JAG1: variants seen among roughly 807,000 people sequenced by gnomAD.
JAG1 encodes jagged canonical Notch ligand 1.
Under a neutral mutation model 148.7 loss-of-function variants are expected in JAG1, and 23 were observed. That is an observed-to-expected ratio of 0.15 (90% CI 0.11 to 0.22). The LOEUF (loss-of-function observed/expected upper bound fraction) is 0.22, where lower values mean the gene tolerates loss of function less well. Ranked by LOEUF, JAG1 falls within the 10% of genes least tolerant of loss-of-function variation. JAG1 has a pLI of 1.00. For synonymous variants in JAG1, 572 were observed against 598.3 expected (o/e 0.96, Z 0.64); for missense variants, 1,054 against 1,611.2 (o/e 0.65, Z 5.92).
intron 18 of JAG1, 163 bp downstream of exon 18, chr20:10,644,700 A>G: frequency 1.4e-6 from 1 of 696,988 alleles, no homozygotes; most frequent in Non-Finnish European, 2.6e-6. Flanking sequence ...CGACTTTCTC[A>G]TGCCCAGGTC....
chr20:10,639,323 T>C lies in JAG1; in HGVS notation c.*175A>G. On this transcript the variant is annotated 3_prime_UTR_variant, in exon 26 of 26. Coordinates refer to ENST00000254958, the MANE Select transcript of JAG1 (RefSeq NM_000214.3). Reference sequence around the variant, plus strand: ...TTTGCATAGCTGTGAGATGCGGCACTCGATTTCCCAGCCAACCACAGAAAC... The same window carrying C: ...TTTGCATAGCTGTGAGATGCGGCACCCGATTTCCCAGCCAACCACAGAAAC... The C allele has an allele frequency of 1.4e-6, 1 of 716,002 alleles. No individual in the cohort carries two copies. 44.4% of individuals were successfully genotyped at this position (716,002 alleles called of 1,614,324 possible).
chr20:10,657,826 C>T (rs1196935151), intron 4 of JAG1, among the ~76,000 whole-genome samples: 1 of 152,162 alleles, frequency 6.6e-6, no homozygotes, highest in African/African-American at 2.4e-5. Context: ...AGCCATGCCC[C>T]CAAAGACACC....
chr20:10,652,713 G>A, intron 5 of JAG1, 115 bp from the exon 6 acceptor site: 1 of 1,114,930 alleles, frequency 9.0e-7, no homozygotes, highest in Non-Finnish European at 1.3e-6. Context: ...CTGGGGACAG[G>A]AAGGTAGACT....
At position 10,649,649 on chromosome 20, in the gene JAG1, G is replaced by C. The variant is rs1172160820; in HGVS notation, c.1235-14C>G. On this transcript the variant is annotated splice_polypyrimidine_tract_variant and intron_variant, in intron 9 of 25. Transcript: ENST00000254958. ...ATTCATTTGCATCTGAAAGGAGATG[G>C]GGATGAGCATGAGAAATGAAGTTCA... 6.7e-7 allele frequency: 1 copy of C among 1,492,372 alleles called. No homozygotes were observed. Among genetic ancestry groups the C allele is most frequent in the South Asian group, 1.1e-5 (1 of 88,332 alleles). 92.4% of individuals were successfully genotyped at this position (1,492,372 alleles called of 1,614,324 possible).
At chr20:10,642,780 C>G (rs548807222) in intron 20 of JAG1, among the ~76,000 whole-genome samples, 179 bp from the exon 21 acceptor site, 1 of 152,322 alleles carries the variant, frequency 6.6e-6, no homozygotes, top group South Asian at 2.1e-4. Flanking sequence ...ATCACTGGCT[C>G]CCAAAGACCA....
chr20:10,644,887 A>G lies in JAG1; in HGVS notation c.2320T>C (p.Trp774Arg). The G allele has an allele frequency of 6.2e-7, 1 of 1,614,094 alleles. No homozygotes were observed. The highest frequency in any genetic ancestry group is 8.5e-7 in the Non-Finnish European group (1 of 1,179,914). ...CTCTGAGCACAGATGGGCCCCTCCC[A>G]GCCTTCCTTGCAGACGCACGTAAAG... is the stretch of plus-strand genomic sequence containing the variant. ...ESFTCVCKEG[W>R]EGPICAQNTN... The change falls in exon 18 of 26, where the codon TGG (tryptophan) becomes CGG (arginine). Residue 774 changes from tryptophan (W) to arginine (R), a missense_variant. Around this residue, in one of 6 missense-constraint regions of JAG1, gnomAD observed 342 missense variants for 514.6 expected, o/e 0.66. Coordinates refer to ENST00000254958, the MANE Select transcript of JAG1 (RefSeq NM_000214.3).
chr20:10,644,880 C>T lies in JAG1; in HGVS notation c.2327G>A (p.Gly776Glu), dbSNP rs1188109674. 1 of 1,613,440 alleles carries T rather than the reference C, an allele frequency of 6.2e-7. No individual in the cohort carries two copies. The highest frequency in any genetic ancestry group is 1.3e-5 in the African/African-American group (1 of 74,908). ...ACACTCACTCTGAGCACAGATGGGC[C>T]CCTCCCAGCCTTCCTTGCAGACGCA... Reference protein sequence around the residue: ...FTCVCKEGWEGPICAQNTNDC... With the variant: ...FTCVCKEGWEEPICAQNTNDC... Residue 776 changes from glycine to glutamate, a missense_variant, in exon 18 of 26, where the codon GGG (glycine) becomes GAG (glutamate). Physicochemically the swap from Gly to Glu is moderately conservative, Grantham distance 98 (BLOSUM62 -2). Coordinates refer to ENST00000254958, the MANE Select transcript of JAG1 (RefSeq NM_000214.3).
rs55649270 is a variant in JAG1, at chr20:10,656,689, T to G, written c.695-231A>C. On this transcript the variant is annotated intron_variant, in intron 4 of 25. Coordinates refer to ENST00000254958, the MANE Select transcript of JAG1 (RefSeq NM_000214.3). ...AACATGATATTGTTTGGGGACAAAA[T>G]GCAGACAAGTTGACGAGGGAAGGGG... Among the ~76,000 whole-genome samples, 8,671 of 152,158 alleles carry G rather than the reference T, an allele frequency of 0.057. 325 individuals are homozygous for G. Among genetic ancestry groups the G allele is most frequent in the Admixed American group, 0.09 (1,381 of 15,294 alleles).
intron 14 of JAG1, chr20:10,646,423 T>G: frequency 2.6e-6 from 1 of 381,788 alleles, no homozygotes; most frequent in Non-Finnish European, 5.0e-6. Context: ...AGTGATCTGG[T>G]AAATTGAACA....
At chr20:10,668,671 GT>G (rs143614067) in intron 2 of JAG1, among the ~76,000 whole-genome samples, 27,599 of 144,832 alleles carry the variant, frequency 0.19, 2,713 homozygotes, top group Middle Eastern at 0.32. Context: ...CCTTGACACT[GT>G]TTTTTTTTTT....
intron 5 of JAG1, among the ~76,000 whole-genome samples, chr20:10,655,907 G>C (rs917436798): frequency 1.3e-5 from 2 of 152,074 alleles, no homozygotes; most frequent in Non-Finnish European, 2.9e-5. Context: ...AAGATTCCAG[G>C]GCAGCCATTA....
intron 20 of JAG1, among the ~76,000 whole-genome samples, chr20:10,642,899 G>A (rs1415573471): frequency 2.0e-5 from 3 of 152,226 alleles, no homozygotes; most frequent in Non-Finnish European, 4.4e-5. Context: ...TTTCCTGGAA[G>A]GGGTCAGACA....
At chr20:10,662,273 A>T (rs2067422609) in intron 3 of JAG1, 1 of 152,054 alleles carries the variant, frequency 6.6e-6, no homozygotes, top group Non-Finnish European at 1.5e-5. Flanking sequence ...GAACCCCAAA[A>T]TCGGGCTACC....
Position 10,645,103 on chromosome 20 carries a change from G to T in JAG1, c.2227+40C>A. 1 of 1,549,052 alleles carries T rather than the reference G, an allele frequency of 6.5e-7. No homozygotes were observed. Among genetic ancestry groups the T allele is most frequent in the East Asian group, 2.2e-5 (1 of 44,542 alleles). ...GCCAACCAGCAGACACGCCCAGGTG[G>T]CCATGCCCACTGCAGATCCCACGTG... is the stretch of plus-strand genomic sequence containing the variant. On this transcript the variant is annotated intron_variant, in intron 17 of 25. Coordinates refer to ENST00000254958, the MANE Select transcript of JAG1 (RefSeq NM_000214.3). The surrounding 1 kb of genome is among the most constrained non-coding windows in gnomAD (Gnocchi z 6.1).
chr20:10,658,867 C>A, intron 3 of JAG1, 145 bp from the exon 4 acceptor site: 2 of 840,248 alleles, frequency 2.4e-6, no homozygotes, highest in South Asian at 1.6e-5. Context: ...AGTTTATGCC[C>A]CTACCCAGAG....
chr20:10,673,167 A>G lies in JAG1; in HGVS notation c.82-161T>C. 1 of 58,714 alleles carries G rather than the reference A, an allele frequency of 1.7e-5. No individual in the cohort carries two copies. The highest frequency in any genetic ancestry group is 3.2e-5 in the Non-Finnish European group (1 of 31,046). 3.6% of individuals were successfully genotyped at this position (58,714 alleles called of 1,614,324 possible). The stretch of plus-strand genomic sequence containing the variant: ...CAAGGACTCAACATGATTCCGGGGC[A>G]AAAAAAAAAAAAAATGCACGAGTGC... On this transcript the variant is annotated intron_variant, in intron 1 of 25. Transcript: ENST00000254958. This position sits in a 1 kb window ranked among gnomAD's most constrained non-coding sequence, Gnocchi z 4.7.
chr20:10,643,642 G>C (rs1390288437), intron 20 of JAG1, 136 bp downstream of exon 20: 1 of 751,754 alleles, frequency 1.3e-6, no homozygotes, highest in African/African-American at 1.7e-5. Flanking sequence ...ATCCCAGCTG[G>C]AGGAGAGAGA....
At position 10,639,713 on chromosome 20, in the gene JAG1, T is replaced by C. The variant is rs1312715640; in HGVS notation, c.3442A>G (p.Lys1148Glu). Reference protein sequence around the residue: ...DYENKNSKMSKIRTHNSEVEE... With the variant: ...DYENKNSKMSEIRTHNSEVEE... The stretch of plus-strand genomic sequence containing the variant: ...ACTTCAGAATTGTGTGTCCTTATTT[T>C]AGACATTTTGGAGTTCTTGTTCTCA... Residue 1148 changes from lysine (K) to glutamate (E), a missense_variant, in exon 26 of 26, where the codon AAA becomes GAA. By Grantham distance (56) the Lys-to-Glu change is moderately conservative (BLOSUM62 1). Around this residue, in one of 6 missense-constraint regions of JAG1, gnomAD observed 177 missense variants for 177.3 expected, o/e 1.00. Coordinates refer to ENST00000254958, the MANE Select transcript of JAG1 (RefSeq NM_000214.3). The C allele has an allele frequency of 6.2e-7, 1 of 1,614,224 alleles. No homozygotes were observed. The highest frequency in any genetic ancestry group is 1.7e-5 in the Admixed American group (1 of 60,032).
At position 10,645,587 on chromosome 20, in the gene JAG1, T is replaced by A; in HGVS notation, c.2000-118A>T. 1.2e-6 allele frequency: 1 copy of A among 820,606 alleles called. No homozygotes were observed. 50.8% of individuals were successfully genotyped at this position (820,606 alleles called of 1,614,324 possible). A position where few individuals can be genotyped will look rare whatever the true frequency, so the allele number is the denominator to read the frequency against. ...CATCCTATTCTGAGAACAGCCACAGTCGTAGTACTTTAACACAATCAGGCT... is the reference window on the plus strand; with the variant it reads ...CATCCTATTCTGAGAACAGCCACAGACGTAGTACTTTAACACAATCAGGCT... On this transcript the variant is annotated intron_variant, in intron 15 of 25. Transcript: ENST00000254958. The surrounding 1 kb of genome is among the most constrained non-coding windows in gnomAD (Gnocchi z 6.1).
Sources: gnomAD v4.1 joint callset for allele counts (sites outside exome capture counted in the v4.1 genomes callset) on GRCh38, gnomAD v4.1.1 for gene constraint, gnomAD v4.1.1 regional missense constraint, Gnocchi (gnomAD v3.1) non-coding constraint, MANE v1.5 for transcripts, NCBI Gene and HGNC (gene_info 2026-07-23, HGNC 2026-07-21) for gene names.